The following ZNF75D variants were observed in gnomAD, a reference collection of about 807,000 sequenced individuals.
The protein encoded by ZNF75D is zinc finger protein 75.
ZNF75D carries 33 observed loss-of-function variants against 33.3 expected under a neutral mutation model. That is an observed-to-expected ratio of 0.99 (90% confidence interval 0.75 to 1.32). The LOEUF (loss-of-function observed/expected upper bound fraction) is 1.32. Ranked by LOEUF, ZNF75D falls within the 40% of genes most tolerant of loss-of-function variation. The pLI, the probability that ZNF75D is intolerant of heterozygous loss-of-function variation, is 0.00. For synonymous variants in ZNF75D, 113 were observed against 130.6 expected, an observed-to-expected ratio of 0.87 and a Z score of 0.92; for missense variants, 338 against 367.5, an observed-to-expected ratio of 0.92 and a Z score of 0.66.
chrX:135,289,377 G>A (rs189689891), intron 6 of ZNF75D, among the ~76,000 whole-genome samples: 2 of 112,271 alleles, frequency 1.8e-5, no homozygotes, highest in African/African-American at 6.5e-5. Context: ...AGCACTTTGG[G>A]AGGCCAAGGC....
At chrX:135,328,647 TA>T (rs1717868265) in intron 1 of ZNF75D, among the ~76,000 whole-genome samples, 1 of 112,034 alleles carries the variant, frequency 8.9e-6, no homozygotes, top group South Asian at 3.7e-4. Flanking sequence ...GTATTACTGG[TA>T]AAACAGAGGA....
At chrX:135,317,468 T>G (rs903715480) in intron 1 of ZNF75D, among the ~76,000 whole-genome samples, 3 of 111,459 alleles carry the variant, frequency 2.7e-5, no homozygotes, top group African/African-American at 9.8e-5. Flanking sequence ...CTTACTTGGA[T>G]GCCAGTAGAG....
Position 135,293,781 on chromosome X carries a change from A to C in ZNF75D, c.360T>G (p.Ala120=). The C allele has an allele frequency of 8.3e-7, 1 of 1,201,868 alleles. No homozygotes were observed. The highest frequency in any genetic ancestry group is 1.7e-5 in the African/African-American group (1 of 57,582). The change falls in exon 3 of 7, where the codon GCT becomes GCG. Residue 120 remains alanine, a synonymous_variant. Transcript: ENST00000370766. The part of the protein sequence containing the change: ...QKHHPQNVKQ[A]LVLVEFLQRE... ...TCTGCAAGAATTCCACCAGGACCAG[A>C]GCCTGTTTGACATTCTGTGGATGAT...
chrX:135,284,429 C>T (rs1358516615), downstream of ZNF75D, among the ~76,000 whole-genome samples: 1 of 111,679 alleles, frequency 9.0e-6, no homozygotes, highest in Non-Finnish European at 1.9e-5. Context: ...GGGAATGTGG[C>T]CCTAGGAGAC....
chrX:135,287,229 A>C lies in ZNF75D; in HGVS notation c.1441T>G (p.Leu481Val). ...CGCCTACTAAAGTTTCTCTTGCATA[A>C]GCTACACGTATAAGGCTGCTCACCT... The part of the protein sequence containing the change: ...HTGEQPYTCS[L>V]CKRNFSRRSS... Residue 481 changes from leucine to valine, a missense_variant, in exon 7 of 7, where the codon TTA becomes GTA. By Grantham distance (32) the Leu-to-Val change is conservative (BLOSUM62 1). Coordinates refer to ENST00000370766, the MANE Select transcript of ZNF75D (RefSeq NM_007131.5). The C allele has an allele frequency of 8.3e-7, 1 of 1,211,297 alleles. No individual in the cohort carries two copies.
At chrX:135,312,558 T>C (rs1431524311) in intron 1 of ZNF75D, among the ~76,000 whole-genome samples, 2 of 111,778 alleles carry the variant, frequency 1.8e-5, no homozygotes, top group African/African-American at 6.5e-5. Flanking sequence ...TTTAGTTTTT[T>C]TGAGAAATCT....
chrX:135,262,222 A>C (rs1556415657), intron 1 of ZNF75D, among the ~76,000 whole-genome samples: 1 of 111,766 alleles, frequency 8.9e-6, no homozygotes, highest in Admixed American at 9.5e-5. Context: ...GGCTGCCCTT[A>C]ACACTTTTTC....
At chrX:135,249,499 A>G (rs1268298500) in intron 3 of ZNF75D, among the ~76,000 whole-genome samples, 1 of 107,332 alleles carries the variant, frequency 9.3e-6, no homozygotes, top group African/African-American at 3.4e-5. Flanking sequence ...TATTTCTAGA[A>G]TCTCTTCGTT....
At chrX:135,325,588 T>C (rs1198961075) in intron 1 of ZNF75D, among the ~76,000 whole-genome samples, 1 of 112,283 alleles carries the variant, frequency 8.9e-6, no homozygotes, top group Non-Finnish European at 1.9e-5. Flanking sequence ...ATGAGGGACG[T>C]AGCACCCGGG....
At chrX:135,272,833 C>T (rs2083887762) in intron 1 of ZNF75D, among the ~76,000 whole-genome samples, 1 of 111,552 alleles carries the variant, frequency 9.0e-6, no homozygotes, top group South Asian at 3.8e-4. Flanking sequence ...TGTAACTTTA[C>T]TTTATTCTCT....
intron 1 of ZNF75D, among the ~76,000 whole-genome samples, chrX:135,332,166 A>G (rs1222096017): frequency 1.8e-5 from 2 of 111,882 alleles, no homozygotes; most frequent in African/African-American, 6.5e-5. Flanking sequence ...GCAGAGGCCG[A>G]TAACAGCCAA....
At chrX:135,272,039 G>T (rs1356461338) in intron 1 of ZNF75D, among the ~76,000 whole-genome samples, 1 of 110,353 alleles carries the variant, frequency 9.1e-6, no homozygotes, top group Non-Finnish European at 1.9e-5. Context: ...AAGCTGAATG[G>T]CTGCATTGCT....
intron 1 of ZNF75D, among the ~76,000 whole-genome samples, chrX:135,305,464 T>C (rs781960418): frequency 2.7e-4 from 30 of 111,984 alleles, no homozygotes; most frequent in Non-Finnish European, 5.3e-4. Flanking sequence ...AGACGATTCT[T>C]TCTTTCCTAG....
chrX:135,286,994 CAG>C lies in ZNF75D; in HGVS notation c.*141_*142del, dbSNP rs2083962358. The C allele has an allele frequency of 2.0e-6, 1 of 496,023 alleles. No homozygotes were observed. The highest frequency in any genetic ancestry group is 2.4e-5 in the African/African-American group (1 of 42,144). 40.9% of individuals were successfully genotyped at this position (496,023 alleles called of 1,213,427 possible). A position where few individuals can be genotyped will look rare whatever the true frequency, so the allele number is the denominator to read the frequency against. On this transcript the variant is annotated 3_prime_UTR_variant, in exon 7 of 7. Coordinates refer to ENST00000370766, the MANE Select transcript of ZNF75D (RefSeq NM_007131.5). ...ACAGAAGATGCAATGCTGAATAAAACAGACAGCTTAGATTCCTTTTTGTGAAG... is the reference window on the plus strand; with the variant it reads ...ACAGAAGATGCAATGCTGAATAAAACACAGCTTAGATTCCTTTTTGTGAAG...
intron 1 of ZNF75D, among the ~76,000 whole-genome samples, chrX:135,321,687 A>G (rs1183028550): frequency 2.7e-5 from 3 of 112,488 alleles, no homozygotes; most frequent in African/African-American, 9.7e-5. Context: ...GATGGGAACC[A>G]GCAACCAGTG....
At position 135,306,300 on chromosome X, in the gene ZNF75D, C is replaced by T. The variant is rs961335615; in HGVS notation, c.-390-10261G>A. Among the ~76,000 whole-genome samples, 29 of 106,966 alleles carry T rather than the reference C, an allele frequency of 2.7e-4. 1 individual carries two copies. The East Asian group carries it at 8.0e-3, about 29-fold the overall frequency. 92.9% of individuals were successfully genotyped at this position (106,966 alleles called of 115,157 possible). On this transcript the variant is annotated intron_variant, in intron 1 of 6. Coordinates refer to ENST00000370766, the MANE Select transcript of ZNF75D (RefSeq NM_007131.5). The stretch of plus-strand genomic sequence containing the variant: ...CAACAGAGATACATACACACACACA[C>T]ACACACACACACACACACACACACA...
chrX:135,295,334 A>G (rs1482446025), intron 2 of ZNF75D, among the ~76,000 whole-genome samples: 3 of 112,030 alleles, frequency 2.7e-5, no homozygotes, highest in African/African-American at 9.7e-5. Flanking sequence ...ATAAGCCATC[A>G]AAAATCAGGA....
chrX:135,339,214 C>A (rs1556443741), intron 1 of ZNF75D, among the ~76,000 whole-genome samples: 1 of 111,582 alleles, frequency 9.0e-6, no homozygotes, highest in African/African-American at 3.3e-5. Flanking sequence ...CTCTTCCTGG[C>A]CTTTGGCACA....
At chrX:135,314,035 G>A (rs963562119) in intron 1 of ZNF75D, among the ~76,000 whole-genome samples, 5 of 111,661 alleles carry the variant, frequency 4.5e-5, no homozygotes, top group Non-Finnish European at 9.4e-5. Context: ...TGTTGAATAC[G>A]AGTCATGAAA....
Sources: gnomAD v4.1 joint callset for allele counts (sites outside exome capture counted in the v4.1 genomes callset) on GRCh38, gnomAD v4.1.1 for gene constraint, MANE v1.5 for transcripts, NCBI Gene and HGNC (gene_info 2026-07-23, HGNC 2026-07-21) for gene names.